The following TAFA2 variants were observed in gnomAD, a reference collection of about 807,000 sequenced individuals.
The protein encoded by TAFA2 is chemokine-like protein TAFA-2.
TAFA2 carries 7 observed loss-of-function variants against 18.8 expected under a neutral mutation model. That is an observed-to-expected ratio of 0.37 (90% CI 0.21 to 0.70). TAFA2 has a LOEUF of 0.70. Among genes scored for constraint, TAFA2 ranks in the 30% least tolerant of loss-of-function variants. The pLI is 0.53. For missense variants in TAFA2, 122 were observed against 158.1 expected, an observed-to-expected ratio of 0.77 and a Z score of 1.23; for synonymous variants, 60 against 54.2, an observed-to-expected ratio of 1.11 and a Z score of -0.47.
intron 1 of TAFA2, among the ~76,000 whole-genome samples, chr12:62,108,862 G>T (rs1182838293): frequency 6.6e-6 from 1 of 151,998 alleles, no homozygotes; most frequent in Non-Finnish European, 1.5e-5. Flanking sequence ...TAAGTTCCTT[G>T]TAGATTCTGG....
chr12:62,017,852 A>T (rs902005727), intron 1 of TAFA2, among the ~76,000 whole-genome samples: 1 of 152,216 alleles, frequency 6.6e-6, no homozygotes, highest in Non-Finnish European at 1.5e-5. Flanking sequence ...TCTGTTTATA[A>T]TGACAACCTA....
At chr12:62,214,748 A>C (rs2062727415) in intron 1 of TAFA2, among the ~76,000 whole-genome samples, 1 of 152,154 alleles carries the variant, frequency 6.6e-6, no homozygotes, top group Non-Finnish European at 1.5e-5. Flanking sequence ...GAAAAAATGA[A>C]CCTGCTGACC....
intron 1 of TAFA2, among the ~76,000 whole-genome samples, chr12:62,150,470 G>GC (rs142667117): frequency 0.01 from 1,556 of 152,146 alleles, 25 homozygotes; most frequent in African/African-American, 0.036. Flanking sequence ...CAAAGACTGA[G>GC]CCCCTCTTCC....
intron 1 of TAFA2, among the ~76,000 whole-genome samples, 192 bp downstream of exon 1, chr12:62,191,067 G>C (rs997513189): frequency 6.6e-6 from 1 of 152,100 alleles, no homozygotes; most frequent in African/African-American, 2.4e-5. Context: ...CCGCCCGCGA[G>C]GGAGACGCCG....
Position 62,234,491 on chromosome 12 carries a change from T to C in TAFA2, c.-130+24272A>G, listed in dbSNP as rs2062826485. ...TGTTGCTTGAGATGGTCAGACCTCATGAACTCTTGGCTGCACTGATCACAT... is the reference window on the plus strand; with the variant it reads ...TGTTGCTTGAGATGGTCAGACCTCACGAACTCTTGGCTGCACTGATCACAT... On this transcript the variant is annotated intron_variant, in intron 1 of 5. Coordinates refer to the TAFA2 transcript ENST00000551619. 4 of 1,089,570 alleles carry C rather than the reference T, an allele frequency of 3.7e-6. No homozygotes were observed. The South Asian group carries it at 4.9e-5, about 13-fold the overall frequency. The allele number at this position is 1,089,570 out of a possible 1,614,324, so 67.5% of individuals were successfully genotyped here.
intron 1 of TAFA2, among the ~76,000 whole-genome samples, chr12:61,962,028 G>C (rs1284885493): frequency 6.6e-6 from 1 of 151,860 alleles, no homozygotes; most frequent in Non-Finnish European, 1.5e-5. Context: ...TTCGCTTATA[G>C]TAAACACTTG....
intron 1 of TAFA2, among the ~76,000 whole-genome samples, chr12:62,236,057 T>C (rs2062835714): frequency 6.6e-6 from 1 of 152,098 alleles, no homozygotes; most frequent in Non-Finnish European, 1.5e-5. Flanking sequence ...ACTCATACAT[T>C]CTGACTTTGT....
chr12:62,178,187 C>G (rs1217136794), intron 1 of TAFA2, among the ~76,000 whole-genome samples: 1 of 152,104 alleles, frequency 6.6e-6, no homozygotes, highest in African/African-American at 2.4e-5. Flanking sequence ...GTAGTCCTAA[C>G]TTTTTGGAAG....
rs1039123766 is a variant in TAFA2, at chr12:62,156,357, C to T, written c.-2+34902G>A. Among the ~76,000 whole-genome samples the T allele has an allele frequency of 1.1e-4, 16 of 152,212 alleles. No homozygotes were observed. The South Asian group carries it at 1.2e-3, about 12-fold the overall frequency. On this transcript the variant is annotated intron_variant, in intron 1 of 4. Transcript: ENST00000416284. ...GCCACACTGCTGGTGGGAATGTAAA[C>T]GAGTACAGCCACTGTGGAAAACAGT...
intron 2 of TAFA2, among the ~76,000 whole-genome samples, chr12:61,796,756 A>G (rs1334576277): frequency 1.3e-5 from 2 of 152,172 alleles, no homozygotes; most frequent in East Asian, 3.9e-4. Flanking sequence ...TTTGTGCTTA[A>G]TAGATGAGAA....
At chr12:61,836,756 T>TATATATATATATATATATATATAA (rs68158949) in intron 2 of TAFA2, among the ~76,000 whole-genome samples, 1 of 119,848 alleles carries the variant, frequency 8.3e-6, no homozygotes, top group Non-Finnish European at 1.8e-5. Context: ...TATATATATA[T>TATATATATATATATATATATATAA]ACACACACAC....
intron 2 of TAFA2, among the ~76,000 whole-genome samples, chr12:61,828,382 T>C (rs1418569262): frequency 6.6e-6 from 1 of 151,930 alleles, no homozygotes; most frequent in East Asian, 1.9e-4. Flanking sequence ...AAAATGCCCA[T>C]TTAGTCTTTC....
chr12:61,831,395 C>A (rs1320351289), intron 2 of TAFA2, among the ~76,000 whole-genome samples: 2 of 151,954 alleles, frequency 1.3e-5, no homozygotes, highest in East Asian at 3.9e-4. Context: ...TAGTAAAATT[C>A]TTTCTTAAAA....
At chr12:61,908,365 G>A (rs936368701) in intron 1 of TAFA2, among the ~76,000 whole-genome samples, 4 of 151,988 alleles carry the variant, frequency 2.6e-5, no homozygotes, top group Non-Finnish European at 4.4e-5. Flanking sequence ...GCACTCCCCG[G>A]CACACACTGT....
At chr12:62,206,299 T>C (rs2062691296) in intron 1 of TAFA2, among the ~76,000 whole-genome samples, 1 of 152,200 alleles carries the variant, frequency 6.6e-6, no homozygotes, top group South Asian at 2.1e-4. Flanking sequence ...TTGTCTAGAA[T>C]ATCAAGTGTC....
upstream of TAFA2, among the ~76,000 whole-genome samples, chr12:62,195,328 T>G (rs1054989360): frequency 6.6e-6 from 1 of 152,134 alleles, no homozygotes; most frequent in Admixed American, 6.6e-5. Flanking sequence ...ATGAGTAAAT[T>G]CCATCTCAAA....
At chr12:62,091,719 T>A (rs1028491017) in intron 1 of TAFA2, among the ~76,000 whole-genome samples, 5 of 151,976 alleles carry the variant, frequency 3.3e-5, no homozygotes, top group African/African-American at 9.7e-5. Context: ...CCCTAGGTGA[T>A]CCCAGACCCA....
At chr12:61,834,146 G>T (rs370465510) in intron 2 of TAFA2, among the ~76,000 whole-genome samples, 13 of 152,032 alleles carry the variant, frequency 8.6e-5, no homozygotes, top group African/African-American at 3.1e-4. Flanking sequence ...TATACACTAG[G>T]TCACTTAATC....
At chr12:61,781,292 A>G (rs1870492588) in intron 2 of TAFA2, among the ~76,000 whole-genome samples, 1 of 151,636 alleles carries the variant, frequency 6.6e-6, no homozygotes, top group Admixed American at 6.6e-5. Flanking sequence ...GGGTATAGAC[A>G]AATTTCACAG....
Sources: gnomAD v4.1 joint callset for allele counts (sites outside exome capture counted in the v4.1 genomes callset) on GRCh38, gnomAD v4.1.1 for gene constraint, MANE v1.5 for transcripts, NCBI Gene and HGNC (gene_info 2026-07-23, HGNC 2026-07-21) for gene names.